Variants in BCKDHB observed in about 807,000 individuals in gnomAD.
BCKDHB encodes the protein branched chain keto acid dehydrogenase E1 subunit beta, also known as 2-oxoisovalerate dehydrogenase subunit beta, mitochondrial.
A neutral mutation model predicts 48.5 loss-of-function variants in BCKDHB; 41 were observed. The observed-to-expected ratio is 0.85, with a 90% CI of 0.66 to 1.10. The LOEUF is 1.10. Ranked by LOEUF, BCKDHB falls within the 50% of genes least tolerant of loss-of-function variation. BCKDHB has a pLI of 0.00. For synonymous variants in BCKDHB, 201 were observed against 174.8 expected (o/e 1.15, Z -1.18); for missense variants, 496 against 494.2 (o/e 1.00, Z -0.03).
the BCKDHB span, among the ~76,000 whole-genome samples, chr6:80,399,394 C>A: frequency 6.6e-6 from 1 of 152,122 alleles, no homozygotes; most frequent in East Asian, 1.9e-4. Context: ...TAAAAAACTT[C>A]AGCAGTTTCA....
chr6:80,115,909 C>T (rs917363397), intron 1 of BCKDHB, among the ~76,000 whole-genome samples: 2 of 94,486 alleles, frequency 2.1e-5, no homozygotes, highest in Non-Finnish European at 4.2e-5. Context: ...GCTGGAGTTT[C>T]TAAGGAATAT....
At chr6:80,377,678 C>T in the BCKDHB span, among the ~76,000 whole-genome samples, 1 of 152,100 alleles carries the variant, frequency 6.6e-6, no homozygotes, top group Non-Finnish European at 1.5e-5. Context: ...CAAAGTTATT[C>T]CGTTAGTCTA....
chr6:80,154,143 C>T (rs562464086), intron 3 of BCKDHB, among the ~76,000 whole-genome samples: 1 of 152,274 alleles, frequency 6.6e-6, no homozygotes, highest in South Asian at 2.1e-4. Context: ...GAATTCCCCT[C>T]TCCTCTAATA....
the BCKDHB span, chr6:80,374,637 C>A: frequency 0.013 from 6,363 of 506,590 alleles, 361 homozygotes; most frequent in African/African-American, 0.11. Context: ...AGCATTTAGG[C>A]CATTTACATT....
At chr6:80,222,863 C>G (rs1262309588) in intron 8 of BCKDHB, among the ~76,000 whole-genome samples, 1 of 152,140 alleles carries the variant, frequency 6.6e-6, no homozygotes, top group Non-Finnish European at 1.5e-5. Flanking sequence ...AGAGTGGCTA[C>G]TAGGCCCTTA....
the BCKDHB span, among the ~76,000 whole-genome samples, chr6:80,387,793 A>G: frequency 6.6e-6 from 1 of 152,220 alleles, no homozygotes; most frequent in Non-Finnish European, 1.5e-5. Flanking sequence ...TTATTTGGAG[A>G]GACCTTGGTC....
chr6:80,246,131 A>AATCACACT (rs1371692613), intron 8 of BCKDHB, among the ~76,000 whole-genome samples: 3 of 152,198 alleles, frequency 2.0e-5, no homozygotes, highest in Admixed American at 6.5e-5. Flanking sequence ...ATATGTTAAG[A>AATCACACT]ATCACACTTT....
intron 3 of BCKDHB, among the ~76,000 whole-genome samples, chr6:80,153,316 C>T (rs117195560): frequency 1.7e-3 from 266 of 152,174 alleles, no homozygotes; most frequent in South Asian, 4.1e-3. Context: ...CTGTCACAGC[C>T]CCGCTGTCAT....
intron 6 of BCKDHB, among the ~76,000 whole-genome samples, chr6:80,183,052 A>G (rs1167344264): frequency 6.6e-6 from 1 of 152,178 alleles, no homozygotes; most frequent in Non-Finnish European, 1.5e-5. Context: ...AATGTTGAAG[A>G]AAACATCTCT....
chr6:80,379,867 G>A, the BCKDHB span, among the ~76,000 whole-genome samples: 4 of 151,790 alleles, frequency 2.6e-5, no homozygotes, highest in East Asian at 3.9e-4. Flanking sequence ...AAAGTTAAAC[G>A]CTTAGGAATA....
At chr6:80,286,124 A>C (rs913468454) in intron 9 of BCKDHB, among the ~76,000 whole-genome samples, 3 of 152,210 alleles carry the variant, frequency 2.0e-5, no homozygotes, top group Non-Finnish European at 2.9e-5. Context: ...CAAGGATATC[A>C]TAGCTAACTG....
the BCKDHB span, among the ~76,000 whole-genome samples, chr6:80,391,299 G>C: frequency 6.6e-6 from 1 of 151,980 alleles, no homozygotes; most frequent in Non-Finnish European, 1.5e-5. Context: ...CCCAGAACCT[G>C]TCACTCTCAC....
At chr6:80,322,076 G>T (rs770014652) in intron 9 of BCKDHB, among the ~76,000 whole-genome samples, 1 of 152,022 alleles carries the variant, frequency 6.6e-6, no homozygotes, top group Non-Finnish European at 1.5e-5. Flanking sequence ...ACTGTATAAA[G>T]CATTTATATG....
At chr6:80,284,257 C>T (rs1039151519) in intron 9 of BCKDHB, among the ~76,000 whole-genome samples, 3 of 152,092 alleles carry the variant, frequency 2.0e-5, no homozygotes, top group African/African-American at 7.2e-5. Context: ...GATGCATTTT[C>T]TCCTCAATTT....
chr6:80,304,537 G>A (rs1268329227), intron 9 of BCKDHB, among the ~76,000 whole-genome samples: 1 of 152,070 alleles, frequency 6.6e-6, no homozygotes, highest in East Asian at 1.9e-4. Flanking sequence ...TTTTACTGGA[G>A]CTCAATGTTT....
Position 80,344,217 on chromosome 6 carries a change from CTG to C in BCKDHB, c.*414_*415del, listed in dbSNP as rs1770072650. On this transcript the variant is annotated 3_prime_UTR_variant, in exon 10 of 10. Coordinates refer to ENST00000320393, the MANE Select transcript of BCKDHB (RefSeq NM_183050.4). ...GTGGGGTGTCACTATGTTGGCTCAG[CTG>C]ATTTCAAATTCCTGACCTCAAGTGA... The C allele has an allele frequency of 7.4e-6, 2 of 269,186 alleles. No individual in the cohort carries two copies. Among genetic ancestry groups the C allele is most frequent in the Non-Finnish European group, 1.4e-5 (2 of 138,116 alleles). The allele number at this position is 269,186 out of a possible 1,614,324, so 16.7% of individuals were successfully genotyped here. A position where few individuals can be genotyped will look rare whatever the true frequency, so the allele number is the denominator to read the frequency against.
the BCKDHB span, among the ~76,000 whole-genome samples, chr6:80,398,554 C>G: frequency 6.6e-6 from 1 of 151,992 alleles, no homozygotes; most frequent in East Asian, 1.9e-4. Context: ...AACAGACCAA[C>G]AGTGAGCTCC....
chr6:80,353,593 G>A, the BCKDHB span, among the ~76,000 whole-genome samples: 6 of 151,946 alleles, frequency 3.9e-5, no homozygotes, highest in East Asian at 9.7e-4. Context: ...AGTGGCTCAC[G>A]CCTGTAATCC....
chr6:80,431,170 C>G, the BCKDHB span, among the ~76,000 whole-genome samples: 1 of 152,188 alleles, frequency 6.6e-6, no homozygotes, highest in East Asian at 1.9e-4. Context: ...TTTGATTGCA[C>G]TGTGGACTGA....
Sources: gnomAD v4.1 joint callset for allele counts (sites outside exome capture counted in the v4.1 genomes callset) on GRCh38, gnomAD v4.1.1 for gene constraint, MANE v1.5 for transcripts, NCBI Gene and HGNC (gene_info 2026-07-23, HGNC 2026-07-21) for gene names.